Variants in IGF2BP3 observed in about 807,000 individuals in gnomAD.
IGF2BP3 encodes insulin like growth factor 2 mRNA binding protein 3.
A neutral mutation model predicts 73.8 loss-of-function variants in IGF2BP3; 9 were observed. The observed-to-expected ratio is 0.12, with a 90% CI of 0.07 to 0.21. The LOEUF (loss-of-function observed/expected upper bound fraction) is 0.21. Ranked by LOEUF, IGF2BP3 falls within the 10% of genes least tolerant of loss-of-function variation. IGF2BP3 has a pLI of 1.00. For synonymous variants in IGF2BP3, 258 were observed against 256.7 expected (o/e 1.01, Z -0.05); for missense variants, 542 against 714.0 (o/e 0.76, Z 2.75).
At chr7:23,380,223 G>C (rs1260004491) in intron 3 of IGF2BP3, among the ~76,000 whole-genome samples, 1 of 141,202 alleles carries the variant, frequency 7.1e-6, no homozygotes, top group African/African-American at 2.7e-5. Flanking sequence ...GAGAGCAGTG[G>C]CACGATCTCA....
chr7:23,391,093 C>T (rs1786261258), intron 3 of IGF2BP3, among the ~76,000 whole-genome samples: 1 of 142,660 alleles, frequency 7.0e-6, no homozygotes, highest in Admixed American at 7.2e-5. Flanking sequence ...ACCATCGCGC[C>T]TGGCTTTTTT....
intron 12 of IGF2BP3, among the ~76,000 whole-genome samples, chr7:23,315,415 T>A (rs1783958346): frequency 6.6e-6 from 1 of 152,124 alleles, no homozygotes; most frequent in African/African-American, 2.4e-5. Context: ...GCCAAGACAC[T>A]TCTGATATTT....
At chr7:23,386,805 C>T (rs1249473903) in intron 3 of IGF2BP3, among the ~76,000 whole-genome samples, 1 of 152,102 alleles carries the variant, frequency 6.6e-6, no homozygotes, top group Non-Finnish European at 1.5e-5. Flanking sequence ...TGCTGGCTCA[C>T]ACCCATAATC....
At chr7:23,347,490 G>T in intron 7 of IGF2BP3, 110 bp downstream of exon 7, 1 of 1,132,098 alleles carries the variant, frequency 8.8e-7, no homozygotes, top group Non-Finnish European at 1.3e-6. Context: ...AGCTCATCAG[G>T]ATATCATTTC....
chr7:23,329,337 C>G (rs1354296397), intron 10 of IGF2BP3, among the ~76,000 whole-genome samples: 2 of 152,120 alleles, frequency 1.3e-5, no homozygotes, highest in African/African-American at 4.8e-5. Context: ...AGAGTATTCC[C>G]TCAAATAGAT....
intron 2 of IGF2BP3, among the ~76,000 whole-genome samples, chr7:23,453,796 T>C (rs1208297500): frequency 6.6e-6 from 1 of 152,182 alleles, no homozygotes; most frequent in South Asian, 2.1e-4. Context: ...AAAATGTCAT[T>C]ATCGTTGGCA....
chr7:23,466,253 C>A (rs979284079), intron 2 of IGF2BP3, among the ~76,000 whole-genome samples: 1 of 152,236 alleles, frequency 6.6e-6, no homozygotes, highest in East Asian at 1.9e-4. Context: ...GAACTCCTGA[C>A]CTCAGGCGAT....
chr7:23,332,101 C>T (rs1784460890), intron 10 of IGF2BP3, among the ~76,000 whole-genome samples: 1 of 152,146 alleles, frequency 6.6e-6, no homozygotes. Context: ...ATCCAATCAC[C>T]TCCCACTGAC....
At chr7:23,312,657 T>A in intron 14 of IGF2BP3, 78 bp downstream of exon 14, 1 of 1,072,922 alleles carries the variant, frequency 9.3e-7, no homozygotes, top group Non-Finnish European at 1.4e-6. Flanking sequence ...CTTAACTAAT[T>A]CTATCAGGTA....
intron 3 of IGF2BP3, among the ~76,000 whole-genome samples, chr7:23,367,230 A>C (rs761991473): frequency 6.6e-6 from 1 of 152,094 alleles, no homozygotes; most frequent in Non-Finnish European, 1.5e-5. Context: ...TGCCTGCCTC[A>C]GCCTTCCCAA....
At chr7:23,333,591 T>C (rs1784494671) in intron 10 of IGF2BP3, among the ~76,000 whole-genome samples, 1 of 152,054 alleles carries the variant, frequency 6.6e-6, no homozygotes, top group Non-Finnish European at 1.5e-5. Flanking sequence ...TAGTGGCCAG[T>C]AGATAAGGGT....
At chr7:23,360,120 A>G (rs1405441258) in intron 5 of IGF2BP3, among the ~76,000 whole-genome samples, 4 of 151,566 alleles carry the variant, frequency 2.6e-5, no homozygotes, top group African/African-American at 7.3e-5. Flanking sequence ...AGAATTGGAG[A>G]AAGACTCCCC....
intron 2 of IGF2BP3, among the ~76,000 whole-genome samples, chr7:23,435,955 C>T (rs1437750702): frequency 2.0e-5 from 3 of 152,078 alleles, no homozygotes; most frequent in Non-Finnish European, 2.9e-5. Flanking sequence ...CGGGGTTTTA[C>T]CATGTTGGCC....
At chr7:23,456,517 A>G (rs186409419) in intron 2 of IGF2BP3, among the ~76,000 whole-genome samples, 39 of 152,358 alleles carry the variant, frequency 2.6e-4, no homozygotes, top group Non-Finnish European at 2.5e-4. Flanking sequence ...CATCTTAGCT[A>G]TAAGGTATCA....
At chr7:23,442,841 A>G (rs1369239556) in intron 2 of IGF2BP3, among the ~76,000 whole-genome samples, 1 of 152,156 alleles carries the variant, frequency 6.6e-6, no homozygotes, top group Non-Finnish European at 1.5e-5. Context: ...TTTTACTAAA[A>G]TGTCCATCTA....
At chr7:23,447,496 G>A (rs1788094150) in intron 2 of IGF2BP3, among the ~76,000 whole-genome samples, 1 of 151,398 alleles carries the variant, frequency 6.6e-6, no homozygotes, top group South Asian at 2.1e-4. Context: ...CATGGGGTGT[G>A]TGCCTGTAAT....
chr7:23,321,973 A>C (rs1784167399), intron 10 of IGF2BP3, among the ~76,000 whole-genome samples: 1 of 152,224 alleles, frequency 6.6e-6, no homozygotes, highest in Admixed American at 6.5e-5. Flanking sequence ...AAGACGGGGA[A>C]AAAACAGAGC....
At position 23,465,435 on chromosome 7, in the gene IGF2BP3, A is replaced by C. The variant is rs544432338; in HGVS notation, c.236+3047T>G. On this transcript the variant is annotated intron_variant, in intron 2 of 14. Transcript: ENST00000258729. ...AGGGGTATCTGAATGCAGAAAAGCCACATTCCTTCCACATTCCCTTGAGAC... is the reference window on the plus strand; with the variant it reads ...AGGGGTATCTGAATGCAGAAAAGCCCCATTCCTTCCACATTCCCTTGAGAC... 3.2e-4 allele frequency among the ~76,000 whole-genome samples: 49 copies of C among 152,314 alleles called. 1 individual carries two copies. The South Asian group carries it at 0.01, about 32-fold the overall frequency.
At chr7:23,314,628 G>T (rs977595241) in intron 12 of IGF2BP3, among the ~76,000 whole-genome samples, 6 of 151,994 alleles carry the variant, frequency 3.9e-5, no homozygotes, top group African/African-American at 1.4e-4. Context: ...GAGCAAAAGA[G>T]ACAGAACTGC....
Sources: gnomAD v4.1 joint callset for allele counts (sites outside exome capture counted in the v4.1 genomes callset) on GRCh38, gnomAD v4.1.1 for gene constraint, MANE v1.5 for transcripts, NCBI Gene and HGNC (gene_info 2026-07-23, HGNC 2026-07-21) for gene names.